NEK1: variants seen among roughly 807,000 people sequenced by gnomAD.
NEK1 encodes the protein serine/threonine-protein kinase Nek1.
A neutral mutation model predicts 182.1 loss-of-function variants in NEK1; 137 were observed. That is an observed-to-expected ratio of 0.75 (90% CI 0.65 to 0.87). The LOEUF is 0.87. Ranked by LOEUF, NEK1 falls within the 40% of genes least tolerant of loss-of-function variation. NEK1 has a pLI of 0.00. For missense variants in NEK1, 1,391 were observed against 1,494.4 expected (o/e 0.93, Z 1.14); for synonymous variants, 513 against 492.2 (o/e 1.04, Z -0.56).
chr4:169,596,535 C>A (rs1769523812), intron 5 of NEK1, among the ~76,000 whole-genome samples: 1 of 152,154 alleles, frequency 6.6e-6, no homozygotes, highest in African/African-American at 2.4e-5. Context: ...TCATTATTTT[C>A]TATTAATAAA....
At chr4:169,453,213 A>G (rs1241608921) in intron 27 of NEK1, among the ~76,000 whole-genome samples, 1 of 152,250 alleles carries the variant, frequency 6.6e-6, no homozygotes, top group African/African-American at 2.4e-5. Flanking sequence ...GGAAGAATCA[A>G]TATCGTGAAA....
chr4:169,535,678 A>G (rs774509346), intron 19 of NEK1, among the ~76,000 whole-genome samples: 5 of 151,932 alleles, frequency 3.3e-5, no homozygotes, highest in Admixed American at 6.6e-5. Context: ...CAGGAGTTTG[A>G]GACCAGCCTG....
intron 18 of NEK1, among the ~76,000 whole-genome samples, chr4:169,552,323 A>C (rs2149891326): frequency 6.6e-6 from 1 of 152,112 alleles, no homozygotes; most frequent in East Asian, 1.9e-4. Flanking sequence ...CACATCAATA[A>C]GCTAAAGAAG....
chr4:169,460,212 A>G (rs1474211580), intron 27 of NEK1, among the ~76,000 whole-genome samples: 1 of 152,064 alleles, frequency 6.6e-6, no homozygotes, highest in East Asian at 1.9e-4. Flanking sequence ...GACATGCCTG[A>G]GGCTGGGAAA....
chr4:169,550,211 T>C (rs1363122916), intron 18 of NEK1, among the ~76,000 whole-genome samples: 2 of 149,656 alleles, frequency 1.3e-5, no homozygotes, highest in African/African-American at 2.5e-5. Flanking sequence ...TAAAGGAGAG[T>C]TCCCCTACAC....
chr4:169,404,109 T>C (rs1732169014), intron 32 of NEK1, among the ~76,000 whole-genome samples: 1 of 151,874 alleles, frequency 6.6e-6, no homozygotes, highest in Admixed American at 6.6e-5. Context: ...AAGCCACAAA[T>C]AAGCTGTAGT....
At position 169,612,476 on chromosome 4, in the gene NEK1, GC is replaced by G. The variant is rs1772478131; in HGVS notation, c.-428del. 3 of 152,566 alleles carry G rather than the reference GC, an allele frequency of 2.0e-5. No homozygotes were observed. 9.5% of individuals were successfully genotyped at this position (152,566 alleles called of 1,614,324 possible). A position where few individuals can be genotyped will look rare whatever the true frequency, so the allele number is the denominator to read the frequency against. On this transcript the variant is annotated 5_prime_UTR_variant, in exon 1 of 36. Coordinates refer to ENST00000507142, the MANE Select transcript of NEK1 (RefSeq NM_001199397.3). ...AGCTACTTGACTGCCACGTGCTCCTGCCTCGCAACAGCGGCTCTAGATTCCG... is the reference window on the plus strand; with the variant it reads ...AGCTACTTGACTGCCACGTGCTCCTGCTCGCAACAGCGGCTCTAGATTCCG...
intron 35 of NEK1, among the ~76,000 whole-genome samples, chr4:169,398,149 G>A (rs1731021990): frequency 6.6e-6 from 1 of 151,922 alleles, no homozygotes; most frequent in South Asian, 2.1e-4. Flanking sequence ...TGAAGTCCAA[G>A]GTCTCAATAA....
chr4:169,438,072 T>C lies in NEK1; in HGVS notation c.2764+11A>G, dbSNP rs779086392. The C allele has an allele frequency of 6.2e-7, 1 of 1,603,358 alleles. No homozygotes were observed. Among genetic ancestry groups the C allele is most frequent in the Non-Finnish European group, 8.5e-7 (1 of 1,174,312 alleles). On this transcript the variant is annotated intron_variant, in intron 28 of 35. Transcript: ENST00000507142. ...ATCAAATATAGCTCATTTTGACTCATTAGAACATACCTTCTAAATTTCCTT... is the reference window on the plus strand; with the variant it reads ...ATCAAATATAGCTCATTTTGACTCACTAGAACATACCTTCTAAATTTCCTT...
intron 24 of NEK1, among the ~76,000 whole-genome samples, chr4:169,477,998 C>G (rs1252640690): frequency 1.3e-5 from 2 of 151,958 alleles, no homozygotes; most frequent in Admixed American, 1.3e-4. Flanking sequence ...TGAGAAGTGG[C>G]TTTCCTCCCT....
At chr4:169,408,527 A>G (rs1733041622) in intron 31 of NEK1, among the ~76,000 whole-genome samples, 1 of 151,958 alleles carries the variant, frequency 6.6e-6, no homozygotes, top group Non-Finnish European at 1.5e-5. Flanking sequence ...GGTTACATGG[A>G]TACGTTCTTC....
chr4:169,532,560 T>C (rs1580521658), intron 19 of NEK1, among the ~76,000 whole-genome samples: 1 of 152,118 alleles, frequency 6.6e-6, no homozygotes, highest in African/African-American at 2.4e-5. Flanking sequence ...AGGCTACACA[T>C]ATGTGGAGGC....
At chr4:169,584,926 C>G (rs1213427829) in intron 10 of NEK1, among the ~76,000 whole-genome samples, 1 of 152,166 alleles carries the variant, frequency 6.6e-6, no homozygotes, top group Non-Finnish European at 1.5e-5. Context: ...TGGTTCACAC[C>G]TATAATCCCA....
At chr4:169,531,785 A>T (rs1757721195) in intron 19 of NEK1, among the ~76,000 whole-genome samples, 1 of 152,184 alleles carries the variant, frequency 6.6e-6, no homozygotes, top group Admixed American at 6.5e-5. Flanking sequence ...TTCCATAGGG[A>T]AGACAGGCTA....
chr4:169,588,802 T>C (rs1248926739), intron 7 of NEK1, 67 bp from the exon 8 acceptor site: 14 of 1,009,980 alleles, frequency 1.4e-5, no homozygotes, highest in Non-Finnish European at 2.1e-5. Flanking sequence ...ATGTTGTTTT[T>C]GGTCTACAGC....
chr4:169,560,505 G>T (rs1021396000), intron 16 of NEK1, among the ~76,000 whole-genome samples: 3 of 152,016 alleles, frequency 2.0e-5, no homozygotes, highest in African/African-American at 7.2e-5. Context: ...ATCACCACTT[G>T]CCATATAACA....
At chr4:169,498,748 C>T (rs1038239908) in intron 23 of NEK1, among the ~76,000 whole-genome samples, 13 of 152,194 alleles carry the variant, frequency 8.5e-5, no homozygotes, top group Non-Finnish European at 1.5e-4. Flanking sequence ...TCTCTTCTGG[C>T]TTGTAGAGTT....
chr4:169,466,429 C>A (rs1744933897), intron 26 of NEK1, among the ~76,000 whole-genome samples: 1 of 145,958 alleles, frequency 6.9e-6, no homozygotes, highest in Non-Finnish European at 1.5e-5. Flanking sequence ...AGAAAAAAGA[C>A]ACAGAGGAAT....
intron 19 of NEK1, among the ~76,000 whole-genome samples, chr4:169,510,401 A>G (rs1392088306): frequency 2.6e-5 from 4 of 152,190 alleles, no homozygotes; most frequent in East Asian, 1.9e-4. Flanking sequence ...CACTCAAGTC[A>G]GCAAACTAGG....
Sources: gnomAD v4.1 joint callset for allele counts (sites outside exome capture counted in the v4.1 genomes callset) on GRCh38, gnomAD v4.1.1 for gene constraint, MANE v1.5 for transcripts, NCBI Gene and HGNC (gene_info 2026-07-23, HGNC 2026-07-21) for gene names.